ANKS1B: variants seen among roughly 807,000 people sequenced by gnomAD.
ANKS1B encodes the protein ankyrin repeat and sterile alpha motif domain-containing protein 1B.
Under a neutral mutation model 148.3 loss-of-function variants are expected in ANKS1B, and 36 were observed. That is an observed-to-expected ratio of 0.24 (90% CI 0.19 to 0.32). ANKS1B has a LOEUF of 0.32. Among genes scored for constraint, ANKS1B ranks in the 10% least tolerant of loss-of-function variants. The pLI is 1.00. For synonymous variants in ANKS1B, 542 were observed against 560.8 expected, an observed-to-expected ratio of 0.97 and a Z score of 0.47; for missense variants, 1,157 against 1,542.6, an observed-to-expected ratio of 0.75 and a Z score of 4.19.
At chr12:99,633,708 A>C (rs1273413607) in intron 9 of ANKS1B, among the ~76,000 whole-genome samples, 2 of 152,212 alleles carry the variant, frequency 1.3e-5, no homozygotes, top group Non-Finnish European at 2.9e-5. Flanking sequence ...CAACCTAAAG[A>C]ATGGGAGAAA....
At chr12:99,374,517 C>T (rs755614273) in intron 12 of ANKS1B, among the ~76,000 whole-genome samples, 2 of 152,012 alleles carry the variant, frequency 1.3e-5, no homozygotes, top group Non-Finnish European at 2.9e-5. Context: ...AGATAGGCTC[C>T]GAAATAATAG....
Position 98,829,455 on chromosome 12 carries a change from C to A in ANKS1B, c.2887-102G>T, listed in dbSNP as rs532282712. 15 of 1,180,070 alleles carry A rather than the reference C, an allele frequency of 1.3e-5. No individual in the cohort carries two copies. Among genetic ancestry groups the A allele is most frequent in the Non-Finnish European group, 1.8e-5 (15 of 840,670 alleles). 73.1% of individuals were successfully genotyped at this position (1,180,070 alleles called of 1,614,324 possible). A position where few individuals can be genotyped will look rare whatever the true frequency, so the allele number is the denominator to read the frequency against. ...AAGACAAACTGTGGGGGTGGGGAGT[C>A]GCTTTTGAAGCAACAGCCAAGGAAT... On this transcript the variant is annotated intron_variant, in intron 18 of 26. Coordinates refer to ENST00000683438, the MANE Select transcript of ANKS1B (RefSeq NM_001352186.2). The surrounding 1 kb of genome is among the most constrained non-coding windows in gnomAD (Gnocchi z 5.2).
intron 10 of ANKS1B, among the ~76,000 whole-genome samples, chr12:99,490,153 G>A (rs942649265): frequency 2.0e-5 from 3 of 152,198 alleles, no homozygotes; most frequent in African/African-American, 4.8e-5. Flanking sequence ...AGTTGACCTG[G>A]AAAATAGTAT....
intron 12 of ANKS1B, among the ~76,000 whole-genome samples, chr12:99,299,769 T>C (rs895105126): frequency 2.6e-5 from 4 of 152,222 alleles, no homozygotes; most frequent in African/African-American, 9.6e-5. Flanking sequence ...TCCAAATAAG[T>C]AATTTTTTAA....
intron 12 of ANKS1B, among the ~76,000 whole-genome samples, chr12:99,358,118 T>A (rs1303488002): frequency 6.6e-6 from 1 of 152,124 alleles, no homozygotes; most frequent in Admixed American, 6.6e-5. Context: ...TTTTTAATTT[T>A]TATATAGGTT....
intron 12 of ANKS1B, among the ~76,000 whole-genome samples, chr12:99,286,495 G>T (rs778534262): frequency 6.6e-6 from 1 of 152,076 alleles, no homozygotes; most frequent in Non-Finnish European, 1.5e-5. Flanking sequence ...CTGTGGCCTT[G>T]AGGAGAGAAT....
intron 1 of ANKS1B, among the ~76,000 whole-genome samples, chr12:99,908,953 T>C (rs914821383): frequency 1.3e-5 from 2 of 152,186 alleles, no homozygotes; most frequent in Non-Finnish European, 2.9e-5. Context: ...TCTCTAGACA[T>C]TCATGCTACA....
At chr12:99,031,392 A>G (rs1261314858) in intron 17 of ANKS1B, among the ~76,000 whole-genome samples, 1 of 152,182 alleles carries the variant, frequency 6.6e-6, no homozygotes, top group Non-Finnish European at 1.5e-5. Flanking sequence ...AGATGTTACC[A>G]GTTGGCCAGT....
intron 9 of ANKS1B, among the ~76,000 whole-genome samples, chr12:99,563,323 T>C (rs920738189): frequency 6.6e-6 from 1 of 152,198 alleles, no homozygotes; most frequent in Non-Finnish European, 1.5e-5. Context: ...CTCACTAAGC[T>C]GAATTATTTC....
chr12:99,642,824 TAA>T (rs2098323630), intron 9 of ANKS1B, among the ~76,000 whole-genome samples: 1 of 152,104 alleles, frequency 6.6e-6, no homozygotes, highest in Non-Finnish European at 1.5e-5. Context: ...TAAATAAAAA[TAA>T]AAGAGAATCT....
chr12:99,574,463 C>A (rs139648091), intron 9 of ANKS1B, among the ~76,000 whole-genome samples: 4 of 151,980 alleles, frequency 2.6e-5, no homozygotes, highest in African/African-American at 7.2e-5. Context: ...TATACAGATA[C>A]CAAAATCAGA....
At chr12:99,758,798 T>G (rs1601574131) in intron 8 of ANKS1B, among the ~76,000 whole-genome samples, 1 of 152,004 alleles carries the variant, frequency 6.6e-6, no homozygotes, top group African/African-American at 2.4e-5. Context: ...GACTCTTTAA[T>G]GTAAGTTAGT....
chr12:99,579,461 G>T (rs1282444094), intron 9 of ANKS1B, among the ~76,000 whole-genome samples: 1 of 151,972 alleles, frequency 6.6e-6, no homozygotes, highest in Admixed American at 6.6e-5. Flanking sequence ...TCCATCAAAG[G>T]CCTAATAGCT....
At chr12:99,385,306 T>C (rs911427842) in intron 12 of ANKS1B, among the ~76,000 whole-genome samples, 4 of 152,010 alleles carry the variant, frequency 2.6e-5, no homozygotes, top group African/African-American at 9.7e-5. Flanking sequence ...CCATCTCTAC[T>C]AAAAATACAA....
chr12:99,211,933 G>A (rs191207656), intron 14 of ANKS1B, among the ~76,000 whole-genome samples: 20 of 152,198 alleles, frequency 1.3e-4, no homozygotes, highest in East Asian at 9.6e-4. Flanking sequence ...TCACCCCAGC[G>A]CACATCTTCC....
intron 14 of ANKS1B, among the ~76,000 whole-genome samples, chr12:99,220,453 T>C (rs961086197): frequency 2.7e-5 from 4 of 145,888 alleles, no homozygotes; most frequent in East Asian, 3.9e-4. Context: ...GCATTTCTTT[T>C]TTTTTTTTTT....
intron 15 of ANKS1B, among the ~76,000 whole-genome samples, chr12:99,127,423 A>T (rs1600586707): frequency 1.3e-5 from 2 of 152,332 alleles, no homozygotes; most frequent in South Asian, 4.1e-4. Flanking sequence ...ATCATTTATC[A>T]GCATTCACAA....
intron 10 of ANKS1B, among the ~76,000 whole-genome samples, chr12:99,467,139 A>G (rs1038497304): frequency 2.6e-5 from 4 of 152,180 alleles, no homozygotes; most frequent in Admixed American, 6.5e-5. Context: ...TTCAATATAC[A>G]CAAATCAATA....
chr12:98,944,082 C>G (rs2099841296), intron 17 of ANKS1B, among the ~76,000 whole-genome samples: 1 of 152,032 alleles, frequency 6.6e-6, no homozygotes, highest in African/African-American at 2.4e-5. Context: ...GTTGGAACAA[C>G]TGAGGTCAGG....
Sources: allele counts gnomAD v4.1 joint callset (sites outside exome capture counted in the v4.1 genomes callset), GRCh38; gene constraint gnomAD v4.1.1; non-coding constraint Gnocchi (gnomAD v3.1); transcripts MANE v1.5; gene names NCBI Gene and HGNC (gene_info 2026-07-23, HGNC 2026-07-21).